The following C19orf47 variants were observed in gnomAD, a reference collection of about 807,000 sequenced individuals.
C19orf47 encodes chromosome 19 open reading frame 47.
In C19orf47, 18 loss-of-function variants were observed where a neutral mutation model predicts 32.3. The observed-to-expected ratio is 0.56, with a 90% CI of 0.39 to 0.83. The LOEUF (loss-of-function observed/expected upper bound fraction) is 0.83. Among genes scored for constraint, C19orf47 ranks in the 40% least tolerant of loss-of-function variants. The pLI is 0.00. For missense variants in C19orf47, 484 were observed against 531.6 expected (o/e 0.91, Z 0.88); for synonymous variants, 202 against 211.1 (o/e 0.96, Z 0.37).
At chr19:40,326,857 C>T (rs1022757148) in intron 6 of C19orf47, among the ~76,000 whole-genome samples, 3 of 152,338 alleles carry the variant, frequency 2.0e-5, no homozygotes, top group Admixed American at 6.5e-5. Context: ...TGTCAACAAG[C>T]ACTTGAGCTG....
chr19:40,313,473 C>A, the C19orf47 span, among the ~76,000 whole-genome samples: 1 of 152,004 alleles, frequency 6.6e-6, no homozygotes, highest in Non-Finnish European at 1.5e-5. Flanking sequence ...TACAGCCATG[C>A]GCCACCACGC....
the C19orf47 span, among the ~76,000 whole-genome samples, chr19:40,309,193 CTTT>C: frequency 6.4e-5 from 9 of 141,704 alleles, no homozygotes; most frequent in East Asian, 2.0e-4. Flanking sequence ...TTCTCTCTCT[CTTT>C]TTTTTTTTTT....
At chr19:40,318,984 A>C (rs1028039472), downstream of C19orf47, among the ~76,000 whole-genome samples, 7 of 152,186 alleles carry the variant, frequency 4.6e-5, no homozygotes, top group Non-Finnish European at 1.0e-4. Context: ...TAAAATAGTT[A>C]AAATGGTCCA....
Position 40,323,986 on chromosome 19 carries a change from G to A in C19orf47, c.663+20C>T, listed in dbSNP as rs760788312. 20 of 1,613,926 alleles carry A rather than the reference G, an allele frequency of 1.2e-5. No individual in the cohort carries two copies. The highest frequency in any genetic ancestry group is 5.3e-5 in the African/African-American group (4 of 74,952). ...GACAACAGCTCGCACGCCCAGAATCGCTCCCCCATCCCCACTCACTTTACT... is the reference window on the plus strand; with the variant it reads ...GACAACAGCTCGCACGCCCAGAATCACTCCCCCATCCCCACTCACTTTACT... On this transcript the variant is annotated intron_variant, in intron 8 of 8. Coordinates refer to ENST00000683109, the MANE Select transcript of C19orf47 (RefSeq NM_001256441.2).
chr19:40,345,461 G>A (rs2078253535), intron 1 of C19orf47, among the ~76,000 whole-genome samples: 1 of 151,324 alleles, frequency 6.6e-6, no homozygotes. Context: ...CACTTTGGGA[G>A]GCCGAAGCAG....
At chr19:40,303,057 G>A in the C19orf47 span, among the ~76,000 whole-genome samples, 1 of 151,922 alleles carries the variant, frequency 6.6e-6, no homozygotes. Context: ...CCTGGGCAAC[G>A]TGGTGAAACC....
the C19orf47 span, among the ~76,000 whole-genome samples, chr19:40,294,393 C>A: frequency 1.3e-5 from 2 of 151,650 alleles, no homozygotes; most frequent in Non-Finnish European, 2.9e-5. Context: ...CGAACTAGTT[C>A]TTGTATAATA....
the C19orf47 span, among the ~76,000 whole-genome samples, chr19:40,307,535 A>G: frequency 6.6e-6 from 1 of 152,046 alleles, no homozygotes; most frequent in Non-Finnish European, 1.5e-5. Flanking sequence ...AGTAGCCGCC[A>G]TACCTGGCTA....
At chr19:40,338,308 C>CAT (rs888883493) in intron 2 of C19orf47, among the ~76,000 whole-genome samples, 7 of 148,268 alleles carry the variant, frequency 4.7e-5, no homozygotes, top group African/African-American at 1.0e-4. Flanking sequence ...TATATATACA[C>CAT]ATATATATAC....
At chr19:40,303,803 GAAAAAAAAAAAAA>G in the C19orf47 span, among the ~76,000 whole-genome samples, 11 of 45,336 alleles carry the variant, frequency 2.4e-4, no homozygotes, top group East Asian at 1.5e-3. Flanking sequence ...GACTTTGTCT[GAAAAAAAAAAAAA>G]AAAAAAAAAA....
downstream of C19orf47, among the ~76,000 whole-genome samples, chr19:40,316,666 A>C (rs941062339): frequency 3.3e-5 from 5 of 152,300 alleles, no homozygotes; most frequent in African/African-American, 1.2e-4. Flanking sequence ...TGTGTAAATA[A>C]ATCACCTGAA....
the C19orf47 span, among the ~76,000 whole-genome samples, chr19:40,307,148 C>T: frequency 3.8e-5 from 5 of 131,312 alleles, no homozygotes; most frequent in Admixed American, 3.5e-4. Flanking sequence ...CAGGCTACAG[C>T]GCAGTGGTGC....
intron 8 of C19orf47, among the ~76,000 whole-genome samples, chr19:40,322,982 C>G (rs1297449219): frequency 2.6e-5 from 4 of 152,214 alleles, no homozygotes; most frequent in African/African-American, 7.2e-5. Context: ...GAGGAACTTT[C>G]CCTGAGGCAC....
intron 8 of C19orf47, among the ~76,000 whole-genome samples, chr19:40,322,781 C>A (rs951212682): frequency 1.3e-5 from 2 of 152,196 alleles, no homozygotes; most frequent in Non-Finnish European, 2.9e-5. Flanking sequence ...GGTCCTAGGC[C>A]GGCAGTGCTA....
At chr19:40,295,599 A>G in the C19orf47 span, among the ~76,000 whole-genome samples, 1 of 150,892 alleles carries the variant, frequency 6.6e-6, no homozygotes, top group Non-Finnish European at 1.5e-5. Context: ...CCATACCCGG[A>G]TAATTTTTGT....
At chr19:40,329,242 G>A (rs544301366) in intron 5 of C19orf47, among the ~76,000 whole-genome samples, 19 of 152,174 alleles carry the variant, frequency 1.2e-4, no homozygotes, top group African/African-American at 4.1e-4. Context: ...GCACAAGGGC[G>A]CATGCCTGTA....
intron 6 of C19orf47, among the ~76,000 whole-genome samples, chr19:40,327,171 G>A (rs1017071327): frequency 1.3e-5 from 2 of 151,822 alleles, no homozygotes; most frequent in African/African-American, 4.8e-5. Flanking sequence ...GCGCCACCAC[G>A]CCCAGCTAAT....
chr19:40,308,438 A>C, the C19orf47 span, among the ~76,000 whole-genome samples: 2 of 148,332 alleles, frequency 1.3e-5, no homozygotes, highest in Admixed American at 1.4e-4. Context: ...TACAGGTGTG[A>C]GCCACCACGC....
chr19:40,314,984 C>T (rs1302062938), downstream of C19orf47, among the ~76,000 whole-genome samples: 1 of 152,090 alleles, frequency 6.6e-6, no homozygotes, highest in African/African-American at 2.4e-5. Flanking sequence ...TATGTCTGAC[C>T]AGAACTCTTC....
Sources: allele counts gnomAD v4.1 joint callset (sites outside exome capture counted in the v4.1 genomes callset), GRCh38; gene constraint gnomAD v4.1.1; transcripts MANE v1.5; gene names NCBI Gene and HGNC (gene_info 2026-07-23, HGNC 2026-07-21).